The following MUC3A variants were observed in gnomAD, a reference collection of about 807,000 sequenced individuals.
MUC3A encodes the protein mucin-3A.
MUC3A carries 109 observed loss-of-function variants against 109.0 expected under a neutral mutation model. That is an observed-to-expected ratio of 1.00 (90% CI 0.86 to 1.17). The LOEUF is 1.17. Among genes scored for constraint, MUC3A ranks in the 50% most tolerant of loss-of-function variants. The pLI is 0.00. For missense variants in MUC3A, 3,537 were observed against 2,469.4 expected, an observed-to-expected ratio of 1.43 and a Z score of -9.16; for synonymous variants, 1,398 against 981.4, an observed-to-expected ratio of 1.42 and a Z score of -7.93.
rs201454622 is a variant in MUC3A, at chr7:100,959,544, G to A, written c.7765G>A (p.Gly2589Arg). The A allele has an allele frequency of 5.7e-5, 91 of 1,590,618 alleles. No individual in the cohort carries two copies. In the Middle Eastern group the frequency reaches 1.3e-3, roughly 23 times the overall value. ...QTPPVLTSAT[G>R]TQTSPAPTTV... ...CCCTCCTGTACTGACGTCAGCCACT[G>A]GGACCCAAACATCTCCTGCACCTAC... Residue 2589 changes from glycine (G) to arginine (R), a missense_variant, in exon 2 of 12, where the codon GGG (glycine) becomes AGG (arginine). By Grantham distance (125) the Gly-to-Arg change is moderately radical. Transcript: ENST00000379458.
chr7:100,966,867 CCTTCT>C (rs761505303), intron 10 of MUC3A, 27 bp from the exon 11 acceptor site: 95 of 1,598,322 alleles, frequency 5.9e-5, no homozygotes, highest in Admixed American at 4.3e-4. Flanking sequence ...CTCCCTCTCC[CCTTCT>C]CTTTCTCCGC....
At chr7:100,966,319 G>C in intron 8 of MUC3A, 67 bp from the exon 9 acceptor site, 2 of 1,226,676 alleles carry the variant, frequency 1.6e-6, no homozygotes, top group Non-Finnish European at 2.0e-6. Flanking sequence ...GCCCCCGCGG[G>C]GCCCAGGTGC....
rs1563066210 is a variant in MUC3A at position 100,958,715 on chromosome 7, C to T, written c.6936C>T (p.Thr2312=). ...HSTPSFTSSI[T]TTETTSHSAH... is the part of the protein sequence containing the mutation. ...CTCCCAGCTTCACTTCTTCGATCACCACCACGGAGACCACCTCACACAGTG... is the reference window on the plus strand; with the variant it reads ...CTCCCAGCTTCACTTCTTCGATCACTACCACGGAGACCACCTCACACAGTG... Residue 2312 remains threonine, a synonymous_variant, in exon 2 of 12, where the codon ACC becomes ACT. Transcript: ENST00000379458. The T allele has an allele frequency of 1.3e-6, 2 of 1,513,382 alleles. No homozygotes were observed. The highest frequency in any genetic ancestry group is 1.8e-6 in the Non-Finnish European group (2 of 1,119,402). The allele number at this position is 1,513,382 out of a possible 1,614,324, so 93.7% of individuals were successfully genotyped here.
At chr7:100,949,813 C>A in intron 1 of MUC3A, 128 bp downstream of exon 1, 1 of 876,110 alleles carries the variant, frequency 1.1e-6, no homozygotes. Flanking sequence ...GCTCTGGGTG[C>A]AGGGAGAACC....
Position 100,957,757 on chromosome 7 carries a change from C to T in MUC3A, c.5978C>T (p.Thr1993Ile), listed in dbSNP as rs1792140063. 304 of 1,358,720 alleles carry T rather than the reference C, an allele frequency of 2.2e-4. 2 individuals are homozygous for T. The highest frequency in any genetic ancestry group is 4.6e-5 in the East Asian group (2 of 43,550). 84.2% of individuals were successfully genotyped at this position (1,358,720 alleles called of 1,614,324 possible). ...KTTSHSTPSY[T>I]SLITTTTTTS... ...ACCTCACACAGTACTCCCAGCTACA[C>T]TTCTTTGATCACCACAACCACCACC... The change falls in exon 2 of 12, where the codon ACT (threonine) becomes ATT (isoleucine). Residue 1993 changes from threonine (T) to isoleucine (I), a missense_variant. Thr to Ile is a moderately conservative substitution (Grantham distance 89). Coordinates refer to ENST00000379458, the MANE Select transcript of MUC3A (RefSeq NM_005960.2).
rs1260383430 is a variant in MUC3A, at chr7:100,960,656, C to T, written c.8866+11C>T. ...TGACCACCACTGCAGGTTGGACCTT[C>T]TGCCTCTCTGTTCCCCTCCTTCCTC... On this transcript the variant is annotated intron_variant, in intron 2 of 11. Transcript: ENST00000379458. 1 of 1,595,844 alleles carries T rather than the reference C, an allele frequency of 6.3e-7. No individual in the cohort carries two copies. The highest frequency in any genetic ancestry group is 8.5e-7 in the Non-Finnish European group (1 of 1,178,214).
At chr7:100,963,617 T>G in intron 4 of MUC3A, 71 bp from the exon 5 acceptor site, 1 of 1,596,102 alleles carries the variant, frequency 6.3e-7, no homozygotes, top group Non-Finnish European at 8.5e-7. Context: ...TCCCTGGAGC[T>G]GGGGTTGGGC....
At position 100,954,946 on chromosome 7, in the gene MUC3A, C is replaced by A. The variant is rs1792061779; in HGVS notation, c.3167C>A (p.Thr1056Asn). ...STPVPSTEMI[T>N]SHTTNTTPLS... The stretch of plus-strand genomic sequence containing the variant: ...CCTGTCCCAAGCACAGAAATGATCA[C>A]CAGTCATACCACAAACACCACCCCT... The change falls in exon 2 of 12, where the codon ACC (threonine) becomes AAC (asparagine). Residue 1056 changes from threonine (T) to asparagine (N), a missense_variant. By Grantham distance (65) the Thr-to-Asn change is moderately conservative. Coordinates refer to ENST00000379458, the MANE Select transcript of MUC3A (RefSeq NM_005960.2). The A allele has an allele frequency of 2.2e-5, 12 of 545,500 alleles. No homozygotes were observed. In the South Asian group the frequency reaches 3.2e-4, roughly 14 times the overall value. 33.8% of individuals were successfully genotyped at this position (545,500 alleles called of 1,614,324 possible).
rs1453632812 is a variant in MUC3A at position 100,956,869 on chromosome 7, C to T, written c.5090C>T (p.Thr1697Ile). Residue 1697 changes from threonine (T) to isoleucine (I), a missense_variant, in exon 2 of 12, where the codon ACC (threonine) becomes ATC (isoleucine). Thr to Ile is a moderately conservative substitution (Grantham distance 89). Coordinates refer to ENST00000379458, the MANE Select transcript of MUC3A (RefSeq NM_005960.2). ...TSTLHTTAESTPSPTTTMSFT... is the reference protein window; with the variant it reads ...TSTLHTTAESIPSPTTTMSFT... ...ACACTCCACACAACAGCTGAATCCA[C>T]CCCATCACCTACAACCACCATGTCA... The T allele has an allele frequency of 7.2e-6, 3 of 414,064 alleles. No individual in the cohort carries two copies. In the East Asian group the frequency reaches 1.1e-4, roughly 15 times the overall value. The allele number at this position is 414,064 out of a possible 1,614,324, so 25.6% of individuals were successfully genotyped here.
At position 100,959,583 on chromosome 7, in the gene MUC3A, G is replaced by A. The variant is rs1235121617; in HGVS notation, c.7804G>A (p.Gly2602Arg). The A allele has an allele frequency of 3.8e-6, 6 of 1,596,112 alleles. No individual in the cohort carries two copies. The highest frequency in any genetic ancestry group is 1.1e-5 in the South Asian group (1 of 90,670). Residue 2602 changes from glycine (G) to arginine (R), a missense_variant, in exon 2 of 12, where the codon GGA becomes AGA. Transcript: ENST00000379458. ...TSPAPTTVTF[G>R]STDSSTSTLH... ...TCCTGCACCTACTACTGTCACCTTT[G>A]GAAGTACGGATTCCTCCACGTCCAC...
rs970101213 is a variant in MUC3A, at chr7:100,952,334, C to T, written c.555C>T (p.Ala185=). The stretch of plus-strand genomic sequence containing the variant: ...CCACTACTGAGAAAGGAACGTCAGC[C>T]ATGACATCTTCTCCCTCTACCACCA... ...SMTTTEKGTS[A]MTSSPSTTTA... Residue 185 remains alanine, a synonymous_variant, in exon 2 of 12, where the codon GCC becomes GCT. Coordinates refer to ENST00000379458, the MANE Select transcript of MUC3A (RefSeq NM_005960.2). 1.9e-6 allele frequency: 3 copies of T among 1,598,520 alleles called. No individual in the cohort carries two copies. Among genetic ancestry groups the T allele is most frequent in the Non-Finnish European group, 2.5e-6 (3 of 1,179,782 alleles).
In MUC3A at chr7:100,954,117, T is replaced by G; in HGVS notation, c.2338T>G (p.Ser780Ala). 1 of 593,540 alleles carries G rather than the reference T, an allele frequency of 1.7e-6. No individual in the cohort carries two copies. Among genetic ancestry groups the G allele is most frequent in the South Asian group, 2.6e-5 (1 of 38,258 alleles). 36.8% of individuals were successfully genotyped at this position (593,540 alleles called of 1,614,324 possible). ...ACATAGTACCACCAGCTTCACTTCT[T>G]CAACCGTCTACTCCACAGCCAGCAC... is the stretch of plus-strand genomic sequence containing the variant. ...TSHSTTSFTS[S>A]TVYSTASTYT... The change falls in exon 2 of 12, where the codon TCA (serine) becomes GCA (alanine). Residue 780 changes from serine (S) to alanine (A), a missense_variant. Coordinates refer to ENST00000379458, the MANE Select transcript of MUC3A (RefSeq NM_005960.2).
chr7:100,964,850 C>T lies in MUC3A; in HGVS notation c.9382+7C>T, dbSNP rs1308279045. On this transcript the variant is annotated splice_region_variant and intron_variant, in intron 6 of 11. Transcript: ENST00000379458. Reference sequence around the variant, plus strand: ...AGCTGCCAGGACTCCCAGAGTGAGCCCAGGCTGGAGGGAGGGGCCAGGGCC... The same window carrying T: ...AGCTGCCAGGACTCCCAGAGTGAGCTCAGGCTGGAGGGAGGGGCCAGGGCC... 1.3e-6 allele frequency: 2 copies of T among 1,596,038 alleles called. No homozygotes were observed. Among genetic ancestry groups the T allele is most frequent in the Non-Finnish European group, 1.7e-6 (2 of 1,178,022 alleles).
In MUC3A at chr7:100,965,693, C is replaced by G; in HGVS notation, c.9449-11C>G. On this transcript the variant is annotated splice_polypyrimidine_tract_variant and intron_variant, in intron 7 of 11. Coordinates refer to ENST00000379458, the MANE Select transcript of MUC3A (RefSeq NM_005960.2). ...TCCTTGTCTCTGTGCATCCCCCTCC[C>G]CAACCCCCAGCCATCTGCCGCCGCG... 2 of 1,595,066 alleles carry G rather than the reference C, an allele frequency of 1.3e-6. No homozygotes were observed. Among genetic ancestry groups the G allele is most frequent in the South Asian group, 2.2e-5 (2 of 90,512 alleles).
chr7:100,964,180 C>G (rs886680228), intron 5 of MUC3A: 3 of 294,006 alleles, frequency 1.0e-5, no homozygotes, highest in Non-Finnish European at 1.9e-5. Context: ...CTCACACTTG[C>G]AATCCTAGCA....
chr7:100,962,904 G>A (rs1792386338), intron 3 of MUC3A, among the ~76,000 whole-genome samples: 1 of 152,288 alleles, frequency 6.6e-6, no homozygotes, highest in South Asian at 2.1e-4. Flanking sequence ...GGCCCAGGCT[G>A]GAGTGCAGTG....
In MUC3A at chr7:100,956,475, A is replaced by AGT; in HGVS notation, c.4696_4697insGT (p.Thr1566SerfsTer3). On this transcript the variant is annotated frameshift_variant, in exon 2 of 12. Transcript: ENST00000379458. LOFTEE classifies it high-confidence loss of function. The stretch of plus-strand genomic sequence containing the variant: ...GACTTCTACATCCATGATCCCATCT[A>AGT]CTGTGAGTACAGGTATCCCTACCTC... 1.7e-6 allele frequency: 1 copy of AGT among 590,180 alleles called. No individual in the cohort carries two copies. The highest frequency in any genetic ancestry group is 3.0e-6 in the Non-Finnish European group (1 of 333,192). The allele number at this position is 590,180 out of a possible 1,614,324, so 36.6% of individuals were successfully genotyped here.
At position 100,957,340 on chromosome 7, in the gene MUC3A, C is replaced by T. The variant is rs1262903450; in HGVS notation, c.5561C>T (p.Thr1854Ile). Reference protein sequence around the residue: ...SLTSALTDSTTRTTYSTNMTG... With the variant: ...SLTSALTDSTIRTTYSTNMTG... ...ACTAGTGCTCTCACAGATTCCACGA[C>T]CAGAACCACCTATTCCACCAATATG... Residue 1854 changes from threonine to isoleucine, a missense_variant, in exon 2 of 12, where the codon ACC becomes ATC. Physicochemically the swap from Thr to Ile is moderately conservative, Grantham distance 89. Coordinates refer to ENST00000379458, the MANE Select transcript of MUC3A (RefSeq NM_005960.2). 7.6e-5 allele frequency: 21 copies of T among 276,268 alleles called. No individual in the cohort carries two copies. The highest frequency in any genetic ancestry group is 5.9e-4 in the African/African-American group (20 of 34,184). The allele number at this position is 276,268 out of a possible 1,614,324, so 17.1% of individuals were successfully genotyped here. A position where few individuals can be genotyped will look rare whatever the true frequency, so the allele number is the denominator to read the frequency against.
rs1197195469 is a variant in MUC3A, at chr7:100,965,863, G to A, written c.9608G>A (p.Cys3203Tyr). The change falls in exon 8 of 12, where the codon TGT becomes TAT. Residue 3203 changes from cysteine to tyrosine, a missense_variant. Cys to Tyr is a radical substitution (Grantham distance 194). Coordinates refer to ENST00000379458, the MANE Select transcript of MUC3A (RefSeq NM_005960.2). ...QCVLETSGPT[C>Y]RCYSTDTHWF... is the part of the protein sequence containing the mutation. ...GTTCTGGAGACGAGCGGTCCCACGT[G>A]TCGGTAAGGCCCCGCTCACCATCGG... 1 of 1,591,664 alleles carries A rather than the reference G, an allele frequency of 6.3e-7. No homozygotes were observed. The highest frequency in any genetic ancestry group is 1.3e-5 in the African/African-American group (1 of 74,836).
Sources: allele counts gnomAD v4.1 joint callset (sites outside exome capture counted in the v4.1 genomes callset), GRCh38; gene constraint gnomAD v4.1.1; transcripts MANE v1.5; gene names NCBI Gene and HGNC (gene_info 2026-07-23, HGNC 2026-07-21).